CDH12: variants seen among roughly 807,000 people sequenced by gnomAD.
CDH12 encodes the protein cadherin-12.
In CDH12, 41 loss-of-function variants were observed where a neutral mutation model predicts 74.1. That is an observed-to-expected ratio of 0.55 (90% CI 0.43 to 0.72). The LOEUF (loss-of-function observed/expected upper bound fraction) is 0.72. CDH12 is among the 30% of genes least tolerant of loss of function. The pLI is 0.00. For missense variants in CDH12, 945 were observed against 977.2 expected (o/e 0.97, Z 0.44); for synonymous variants, 399 against 355.0 (o/e 1.12, Z -1.39).
intron 4 of CDH12, among the ~76,000 whole-genome samples, chr5:22,121,368 T>C (rs1745502531): frequency 6.6e-6 from 1 of 152,192 alleles, no homozygotes; most frequent in Non-Finnish European, 1.5e-5. Context: ...TCCTTAGCTG[T>C]TACACAAAGC....
At chr5:21,875,337 G>T (rs1437102282) in intron 6 of CDH12, among the ~76,000 whole-genome samples, 1 of 152,166 alleles carries the variant, frequency 6.6e-6, no homozygotes, top group Non-Finnish European at 1.5e-5. Flanking sequence ...ACTTATTTAT[G>T]CATTAATTCA....
intron 1 of CDH12, among the ~76,000 whole-genome samples, chr5:22,817,696 C>T (rs1749461943): frequency 6.6e-6 from 1 of 152,044 alleles, no homozygotes; most frequent in South Asian, 2.1e-4. Context: ...ATCATAATTT[C>T]AATATAATTC....
intron 3 of CDH12, among the ~76,000 whole-genome samples, chr5:22,303,803 C>G (rs1391810914): frequency 6.6e-6 from 1 of 152,082 alleles, no homozygotes; most frequent in East Asian, 1.9e-4. Flanking sequence ...AAGTAGAGAG[C>G]AGTAGGCTAC....
At chr5:21,802,088 G>A (rs1747141330) in intron 10 of CDH12, 79 bp downstream of exon 10, 3 of 1,280,240 alleles carry the variant, frequency 2.3e-6, no homozygotes, top group South Asian at 2.8e-5. Flanking sequence ...GTTTTGGACA[G>A]AGAATTGGTT....
intron 1 of CDH12, among the ~76,000 whole-genome samples, chr5:22,521,369 TTGAA>T (rs1737048962): frequency 6.6e-6 from 1 of 152,096 alleles, no homozygotes; most frequent in African/African-American, 2.4e-5. Context: ...AGTTTATTCT[TTGAA>T]TGTGATAAGT....
chr5:22,709,210 C>T (rs1267303597), intron 1 of CDH12, among the ~76,000 whole-genome samples: 2 of 151,658 alleles, frequency 1.3e-5, no homozygotes, highest in South Asian at 2.1e-4. Context: ...ATCTGGGAGA[C>T]AAAAAATATA....
At chr5:22,081,299 G>T (rs1379281759) in intron 4 of CDH12, among the ~76,000 whole-genome samples, 1 of 152,110 alleles carries the variant, frequency 6.6e-6, no homozygotes, top group African/African-American at 2.4e-5. Context: ...GAAAGTCAGA[G>T]AATCTTTTGC....
rs546000045 is a variant in CDH12 at position 22,382,866 on chromosome 5, T to G, written c.-333+22391A>C. Among the ~76,000 whole-genome samples the G allele has an allele frequency of 1.8e-3, 268 of 152,272 alleles. 1 individual carries two copies. Among genetic ancestry groups the G allele is most frequent in the African/African-American group, 6.2e-3 (259 of 41,552 alleles). On this transcript the variant is annotated intron_variant, in intron 3 of 14. Coordinates refer to ENST00000382254, the MANE Select transcript of CDH12 (RefSeq NM_004061.5). Reference sequence around the variant, plus strand: ...ATTTTTTGAGACGGAGTTTCACTCTTGTTACCCAGGCTGTAGTGCAATGGC... The same window carrying G: ...ATTTTTTGAGACGGAGTTTCACTCTGGTTACCCAGGCTGTAGTGCAATGGC...
intron 2 of CDH12, among the ~76,000 whole-genome samples, chr5:22,433,167 T>C (rs1156545732): frequency 1.3e-5 from 2 of 152,156 alleles, no homozygotes. Flanking sequence ...TGTGTTTTCT[T>C]TTTCATGAGC....
chr5:21,757,951 T>C (rs1744495240), intron 13 of CDH12, among the ~76,000 whole-genome samples: 1 of 152,216 alleles, frequency 6.6e-6, no homozygotes, highest in South Asian at 2.1e-4. Flanking sequence ...CTCACCCATT[T>C]ACTGCAATGA....
At chr5:21,886,532 T>C (rs1161313261) in intron 6 of CDH12, among the ~76,000 whole-genome samples, 1 of 146,780 alleles carries the variant, frequency 6.8e-6, no homozygotes, top group East Asian at 2.0e-4. Context: ...TATTATTATA[T>C]TATATATAAT....
chr5:22,764,984 G>GT lies in CDH12; in HGVS notation c.-523+88073dup, dbSNP rs574941941. On this transcript the variant is annotated intron_variant, in intron 1 of 14. Coordinates refer to ENST00000382254, the MANE Select transcript of CDH12 (RefSeq NM_004061.5). ...GCATATCATAAAAACTGACACTGAG[G>GT]TAATTCTGCTTGTCTTTTTCTCAAG... Among the ~76,000 whole-genome samples the GT allele has an allele frequency of 1.8e-3, 266 of 151,974 alleles. 1 individual carries two copies. The highest frequency in any genetic ancestry group is 3.0e-3 in the Non-Finnish European group (203 of 67,876).
intron 1 of CDH12, among the ~76,000 whole-genome samples, chr5:22,805,688 T>C (rs1178470177): frequency 6.6e-6 from 1 of 152,162 alleles, no homozygotes; most frequent in Non-Finnish European, 1.5e-5. Flanking sequence ...CTTTAAGTTC[T>C]GGGGTACATG....
In CDH12 at chr5:22,093,141, A is replaced by G. The variant is rs570367980; in HGVS notation, c.-186-14279T>C. ...AGGTGTCTCTGGGTCAGAGAGATCCAAAGGGCTGTCGCAGCTTGGATTTCA... is the reference window on the plus strand; with the variant it reads ...AGGTGTCTCTGGGTCAGAGAGATCCGAAGGGCTGTCGCAGCTTGGATTTCA... On this transcript the variant is annotated intron_variant, in intron 4 of 14. Transcript: ENST00000382254. 4.6e-5 allele frequency among the ~76,000 whole-genome samples: 7 copies of G among 152,304 alleles called. No individual in the cohort carries two copies. In the South Asian group the frequency reaches 1.5e-3, roughly 32 times the overall value.
rs1282456543 is a variant in CDH12 at position 22,464,907 on chromosome 5, T to C, written c.-428+40363A>G. Among the ~76,000 whole-genome samples the C allele has an allele frequency of 5.3e-5, 8 of 150,968 alleles. No individual in the cohort carries two copies. The East Asian group carries it at 1.6e-3, about 30-fold the overall frequency. Reference sequence around the variant, plus strand: ...ATCCCAGCTACTTTGGTGGCTGAGATAGGAGAATGGCTTGAACCCGGGAGG... The same window carrying C: ...ATCCCAGCTACTTTGGTGGCTGAGACAGGAGAATGGCTTGAACCCGGGAGG... On this transcript the variant is annotated intron_variant, in intron 2 of 14. Coordinates refer to ENST00000382254, the MANE Select transcript of CDH12 (RefSeq NM_004061.5).
intron 3 of CDH12, among the ~76,000 whole-genome samples, chr5:22,339,219 T>G (rs1739738613): frequency 6.6e-6 from 1 of 152,180 alleles, no homozygotes; most frequent in African/African-American, 2.4e-5. Flanking sequence ...TTTGTCTGCA[T>G]TTTTGCCTTA....
At chr5:21,840,615 G>T (rs1034433546) in intron 8 of CDH12, among the ~76,000 whole-genome samples, 2 of 151,766 alleles carry the variant, frequency 1.3e-5, no homozygotes, top group African/African-American at 2.4e-5. Context: ...ATACTACAAG[G>T]CTACAGTAAC....
At chr5:22,175,324 G>A (rs1749269701) in intron 4 of CDH12, among the ~76,000 whole-genome samples, 1 of 151,584 alleles carries the variant, frequency 6.6e-6, no homozygotes, top group African/African-American at 2.4e-5. Flanking sequence ...ATCTATCCAT[G>A]TCAGATGTAG....
chr5:22,233,217 T>C (rs1752448063), intron 3 of CDH12, among the ~76,000 whole-genome samples: 1 of 151,978 alleles, frequency 6.6e-6, no homozygotes, highest in Admixed American at 6.6e-5. Context: ...TGCGTTGATC[T>C]ATAGATCAAT....
Sources: gnomAD v4.1 joint callset for allele counts (sites outside exome capture counted in the v4.1 genomes callset) on GRCh38, gnomAD v4.1.1 for gene constraint, MANE v1.5 for transcripts, NCBI Gene and HGNC (gene_info 2026-07-23, HGNC 2026-07-21) for gene names.